EEF2: variants seen among roughly 807,000 people sequenced by gnomAD.
The protein encoded by EEF2 is eukaryotic translation elongation factor 2.
In EEF2, 21 loss-of-function variants were observed where a neutral mutation model predicts 85.3. That is an observed-to-expected ratio of 0.25 (90% CI 0.17 to 0.35). EEF2 has a LOEUF of 0.35. Ranked by LOEUF, EEF2 falls within the 10% of genes least tolerant of loss-of-function variation. The pLI, the probability that EEF2 is intolerant of heterozygous loss-of-function variation, is 1.00. For synonymous variants in EEF2, 723 were observed against 508.8 expected (o/e 1.42, Z -5.67); for missense variants, 825 against 1,225.3 (o/e 0.67, Z 4.88).
chr19:3,976,576 T>A lies in EEF2; in HGVS notation c.2555A>T (p.Asp852Val). 1 of 1,609,048 alleles carries A rather than the reference T, an allele frequency of 6.2e-7. No individual in the cohort carries two copies. Among genetic ancestry groups the A allele is most frequent in the Non-Finnish European group, 8.5e-7 (1 of 1,177,974 alleles). ...KGLKEGIPAL[D>V]NFLDKL ...CGCCTACAATTTGTCCAGGAAGTTG[T>A]CCAGGGCAGGGATGCCTTCTTTCAG... The change falls in exon 15 of 15, where the codon GAC (aspartate) becomes GTC (valine). Residue 852 changes from aspartate (D) to valine (V), a missense_variant. Asp to Val is a radical substitution (Grantham distance 152). Coordinates refer to ENST00000309311, the MANE Select transcript of EEF2 (RefSeq NM_001961.4).
chr19:3,980,856 C>T lies in EEF2; in HGVS notation c.1135G>A (p.Asp379Asn), dbSNP rs1435105012. The change falls in exon 8 of 15, where the codon GAC (aspartate) becomes AAC (asparagine). Residue 379 changes from aspartate to asparagine, a missense_variant. Coordinates refer to ENST00000309311, the MANE Select transcript of EEF2 (RefSeq NM_001961.4). ...GACCACGTACCCATGGCAGCCTCGT[C>T]GTCCGGGGGCCCCTCGTACAGGAGC... is the stretch of plus-strand genomic sequence containing the variant. ...CELLYEGPPDDEAAMGIKSCD... is the reference protein window; with the variant it reads ...CELLYEGPPDNEAAMGIKSCD... 1 of 1,564,860 alleles carries T rather than the reference C, an allele frequency of 6.4e-7. No homozygotes were observed.
Position 3,981,470 on chromosome 19 carries a change from A to G in EEF2, c.898-18T>C. 6.2e-7 allele frequency: 1 copy of G among 1,609,432 alleles called. No homozygotes were observed. ...TCAAACACCTACATTCCCCACCAAG[A>G]AACAAGAAAGCCCATTTGGGAACAG... On this transcript the variant is annotated intron_variant, in intron 6 of 14. Coordinates refer to ENST00000309311, the MANE Select transcript of EEF2 (RefSeq NM_001961.4).
Position 3,980,822 on chromosome 19 carries a change from G to C in EEF2, c.1150+19C>G, listed in dbSNP as rs192455502. The C allele has an allele frequency of 6.3e-7, 1 of 1,575,570 alleles. No homozygotes were observed. The highest frequency in any genetic ancestry group is 8.6e-7 in the Non-Finnish European group (1 of 1,161,864). ...GTCATCCGGCTGCATCTCAGGGCCC[G>C]GCCACCGGGACCACGTACCCATGGC... On this transcript the variant is annotated intron_variant, in intron 8 of 14. Transcript: ENST00000309311.
intron 7 of EEF2, 151 bp downstream of exon 7, chr19:3,981,188 G>A (rs2039741411): frequency 9.7e-7 from 1 of 1,033,544 alleles, no homozygotes; most frequent in Non-Finnish European, 1.4e-6. Context: ...CTGCTGGGAT[G>A]TGTCTCCAGC....
rs1350605687 is a variant in EEF2 at position 3,977,858 on chromosome 19, C to T, written c.2028G>A (p.Lys676=). ...ACTGGAAGCCGGCCACCACACTGTCCTTGATCTCGTTGAGGTACTGCACAC... is the reference window on the plus strand; with the variant it reads ...ACTGGAAGCCGGCCACCACACTGTCTTTGATCTCGTTGAGGTACTGCACAC... The part of the protein sequence containing the change: ...TKGVQYLNEI[K]DSVVAGFQWA... Residue 676 remains lysine, a synonymous_variant, in exon 12 of 15, where the codon AAG becomes AAA. Transcript: ENST00000309311. This position sits in a 1 kb window ranked among gnomAD's most constrained non-coding sequence, Gnocchi z 5.4. 2.5e-6 allele frequency: 4 copies of T among 1,607,996 alleles called. No individual in the cohort carries two copies. The East Asian group carries it at 8.9e-5, about 36-fold the overall frequency.
At chr19:3,982,528 A>G in intron 4 of EEF2, 104 bp from the exon 5 acceptor site, 1 of 1,410,922 alleles carries the variant, frequency 7.1e-7, no homozygotes, top group South Asian at 1.2e-5. Context: ...GGCTTTCTTC[A>G]GTAGACATCT....
At position 3,980,521 on chromosome 19, in the gene EEF2, T is replaced by C. The variant is rs2039732247; in HGVS notation, c.1339A>G (p.Ile447Val). The C allele has an allele frequency of 1.9e-6, 3 of 1,612,730 alleles. No homozygotes were observed. Among genetic ancestry groups the C allele is most frequent in the African/African-American group, 1.3e-5 (1 of 74,892 alleles). The change falls in exon 9 of 15, where the codon ATC (isoleucine) becomes GTC (valine). Residue 447 changes from isoleucine to valine, a missense_variant. Transcript: ENST00000309311. ...GKKEDLYLKPIQRTILMMGRY... is the reference protein window; with the variant it reads ...GKKEDLYLKPVQRTILMMGRY... ...CATCACCCAGCTGCTCACCTCTGGATTGGCTTCAGGTAGAGGTCCTCCTTC... is the reference window on the plus strand; with the variant it reads ...CATCACCCAGCTGCTCACCTCTGGACTGGCTTCAGGTAGAGGTCCTCCTTC...
At chr19:3,979,129 CAAA>C (rs1007106270) in intron 11 of EEF2, among the ~76,000 whole-genome samples, 197 bp downstream of exon 11, 1 of 151,540 alleles carries the variant, frequency 6.6e-6, no homozygotes, top group Non-Finnish European at 1.5e-5. Flanking sequence ...GAGACTATCT[CAAA>C]AAAAACAACA....
intron 4 of EEF2, 152 bp from the exon 5 acceptor site, chr19:3,982,576 G>A (rs1395333609): frequency 2.6e-6 from 3 of 1,155,804 alleles, no homozygotes; most frequent in Non-Finnish European, 3.8e-6. Context: ...CACGAATAGG[G>A]GGGCCAGCCC....
At chr19:3,978,773 A>C (rs2039707331) in intron 11 of EEF2, among the ~76,000 whole-genome samples, 1 of 141,492 alleles carries the variant, frequency 7.1e-6, no homozygotes, top group Non-Finnish European at 1.5e-5. Flanking sequence ...ATTGCACTCC[A>C]GCCTAAGCAA....
At position 3,982,432 on chromosome 19, in the gene EEF2, T is replaced by C. The variant is rs762311851; in HGVS notation, c.613-8A>G. On this transcript the variant is annotated splice_region_variant and splice_polypyrimidine_tract_variant and intron_variant, in intron 4 of 14. Coordinates refer to ENST00000309311, the MANE Select transcript of EEF2 (RefSeq NM_001961.4). ...ACCGAGGACAGGATCGATCTGGAAG[T>C]GTGAGAAACGAGAAGCAGCCGTGAG... 8.1e-6 allele frequency: 13 copies of C among 1,613,786 alleles called. No homozygotes were observed. The highest frequency in any genetic ancestry group is 9.3e-6 in the Non-Finnish European group (11 of 1,180,044).
At chr19:3,981,905 A>C in intron 6 of EEF2, 42 bp downstream of exon 6, 1 of 1,585,584 alleles carries the variant, frequency 6.3e-7, no homozygotes, top group Non-Finnish European at 8.7e-7. Context: ...GCCGAGGGCC[A>C]ATAGTCGCAT....
At position 3,982,708 on chromosome 19, in the gene EEF2, A is replaced by G. The variant is rs1291470916; in HGVS notation, c.612+99T>C. The G allele has an allele frequency of 7.3e-6, 10 of 1,375,094 alleles. No homozygotes were observed. In the Admixed American group the frequency reaches 1.8e-4, roughly 25 times the overall value. The allele number at this position is 1,375,094 out of a possible 1,614,324, so 85.2% of individuals were successfully genotyped here. A position where few individuals can be genotyped will look rare whatever the true frequency, so the allele number is the denominator to read the frequency against. ...TCTCTGTCACCCAACATTCCTGGCAAAAACACACTTCCAGTCCCCCTCAGC... is the reference window on the plus strand; with the variant it reads ...TCTCTGTCACCCAACATTCCTGGCAGAAACACACTTCCAGTCCCCCTCAGC... On this transcript the variant is annotated intron_variant, in intron 4 of 14. Transcript: ENST00000309311.
chr19:3,983,392 C>T (rs1179536911), intron 2 of EEF2, 101 bp from the exon 3 acceptor site: 41 of 1,322,692 alleles, frequency 3.1e-5, no homozygotes, highest in Non-Finnish European at 4.2e-5. Flanking sequence ...CTCCATGACT[C>T]ATCCCTGGAG....
chr19:3,980,144 G>C (rs912596267), intron 9 of EEF2, 78 bp from the exon 10 acceptor site: 1 of 1,536,696 alleles, frequency 6.5e-7, no homozygotes, highest in Non-Finnish European at 8.7e-7. Flanking sequence ...GGTCCCTCCC[G>C]GAGTTGGTGG....
At position 3,985,422 on chromosome 19, in the gene EEF2, A is replaced by T. The variant is rs765302732; in HGVS notation, c.-42T>A. On this transcript the variant is annotated 5_prime_UTR_variant, in exon 1 of 15. Transcript: ENST00000309311. ...GGATTCTCCCAGGTAGAACCGAAAG[A>T]AGCGAGTCGCGCCGAGGATGGCGGC... The T allele has an allele frequency of 6.8e-7, 1 of 1,476,644 alleles. No individual in the cohort carries two copies. The highest frequency in any genetic ancestry group is 9.0e-7 in the Non-Finnish European group (1 of 1,106,708). 91.5% of individuals were successfully genotyped at this position (1,476,644 alleles called of 1,614,324 possible). A position where few individuals can be genotyped will look rare whatever the true frequency, so the allele number is the denominator to read the frequency against.
intron 1 of EEF2, 67 bp from the exon 2 acceptor site, chr19:3,984,417 C>A: frequency 6.5e-7 from 1 of 1,543,706 alleles, no homozygotes; most frequent in South Asian, 1.1e-5. Flanking sequence ...ACGGAGCGTT[C>A]AGTCCAAACG....
chr19:3,985,401 TCTCCCAGGTA>T lies in EEF2; in HGVS notation c.-31_-22del. 6.7e-7 allele frequency: 1 copy of T among 1,502,048 alleles called. No individual in the cohort carries two copies. Among genetic ancestry groups the T allele is most frequent in the Non-Finnish European group, 8.9e-7 (1 of 1,121,296 alleles). The allele number at this position is 1,502,048 out of a possible 1,614,324, so 93.0% of individuals were successfully genotyped here. On this transcript the variant is annotated 5_prime_UTR_variant, in exon 1 of 15. Transcript: ENST00000309311. ...ACCATGGTGGCGGATGGCGGTGGAT[TCTCCCAGGTA>T]GAACCGAAAGAAGCGAGTCGCGCCG...
chr19:3,981,240 G>C (rs1001605096), intron 7 of EEF2, 99 bp downstream of exon 7: 8 of 1,239,784 alleles, frequency 6.5e-6, no homozygotes, highest in African/African-American at 1.5e-5. Context: ...AGCTGTCCCT[G>C]CCCAGCTGAG....
Sources: allele counts gnomAD v4.1 joint callset (sites outside exome capture counted in the v4.1 genomes callset), GRCh38; gene constraint gnomAD v4.1.1; non-coding constraint Gnocchi (gnomAD v3.1); transcripts MANE v1.5; gene names NCBI Gene and HGNC (gene_info 2026-07-23, HGNC 2026-07-21).